COL27A1: variants seen among roughly 807,000 people sequenced by gnomAD.
COL27A1 encodes collagen type XXVII alpha 1 chain, also known as collagen alpha-1(XXVII) chain.
COL27A1 carries 106 observed loss-of-function variants against 251.3 expected under a neutral mutation model. The observed-to-expected ratio is 0.42, with a 90% CI of 0.36 to 0.50. The LOEUF (loss-of-function observed/expected upper bound fraction) is 0.50. Among genes scored for constraint, COL27A1 ranks in the 20% least tolerant of loss-of-function variants. The probability of loss-of-function intolerance (pLI) is 0.00; values close to 1 mark genes in which losing one functional copy is unlikely to be tolerated. For missense variants in COL27A1, 2,325 were observed against 2,522.8 expected (o/e 0.92, Z 1.68); for synonymous variants, 1,000 against 986.3 (o/e 1.01, Z -0.26).
At chr9:114,154,826 A>AGCAAGAG (rs1848032126), upstream of COL27A1, among the ~76,000 whole-genome samples, 1 of 152,010 alleles carries the variant, frequency 6.6e-6, no homozygotes, top group Non-Finnish European at 1.5e-5. The surrounding 1 kb of genome is among the most constrained non-coding windows in gnomAD (Gnocchi z 5.8). Flanking sequence ...CTCGTGAACG[A>AGCAAGAG]GTGGCAAGAG....
chr9:114,224,535 T>C (rs888691080), intron 14 of COL27A1, among the ~76,000 whole-genome samples: 3 of 152,146 alleles, frequency 2.0e-5, no homozygotes, highest in African/African-American at 4.8e-5. Context: ...TGTTCCTATT[T>C]GTCATCATCC....
chr9:114,269,473 G>T (rs1245968040), intron 35 of COL27A1, among the ~76,000 whole-genome samples, 179 bp downstream of exon 35: 1 of 151,858 alleles, frequency 6.6e-6, no homozygotes. Flanking sequence ...ACAGTGTAGA[G>T]AAAGGCATTT....
intron 5 of COL27A1, among the ~76,000 whole-genome samples, chr9:114,190,996 T>C (rs1828712209): frequency 6.6e-6 from 1 of 152,210 alleles, no homozygotes; most frequent in Non-Finnish European, 1.5e-5. Flanking sequence ...ATCCCAGAAG[T>C]CATACCTTCA....
chr9:114,207,027 G>GT (rs1564468349), intron 10 of COL27A1, among the ~76,000 whole-genome samples: 1 of 152,206 alleles, frequency 6.6e-6, no homozygotes, highest in Non-Finnish European at 1.5e-5. Context: ...AAGAAACTGG[G>GT]TTCATGGCGG....
At chr9:114,299,501 G>A (rs910833922) in intron 49 of COL27A1, among the ~76,000 whole-genome samples, 7 of 152,198 alleles carry the variant, frequency 4.6e-5, no homozygotes, top group African/African-American at 7.2e-5. Context: ...TCCTGGAATC[G>A]TTCACACTGG....
intron 13 of COL27A1, among the ~76,000 whole-genome samples, chr9:114,221,603 A>C (rs1217517336): frequency 6.6e-6 from 1 of 152,230 alleles, no homozygotes; most frequent in African/African-American, 2.4e-5. Context: ...TGGAAGATCC[A>C]TGTTTAAGAC....
chr9:114,193,157 G>A (rs1828863450), intron 5 of COL27A1, among the ~76,000 whole-genome samples: 1 of 152,206 alleles, frequency 6.6e-6, no homozygotes, highest in South Asian at 2.1e-4. Flanking sequence ...CTGAGGCAGG[G>A]AGGGGAGAGG....
chr9:114,225,277 A>G (rs1418759673), intron 14 of COL27A1, among the ~76,000 whole-genome samples: 1 of 152,200 alleles, frequency 6.6e-6, no homozygotes, highest in Non-Finnish European at 1.5e-5. Flanking sequence ...TTTGCTTCTG[A>G]GCAGCCTGCA....
At chr9:114,183,985 A>G (rs1443000636) in intron 5 of COL27A1, among the ~76,000 whole-genome samples, 1 of 152,192 alleles carries the variant, frequency 6.6e-6, no homozygotes, top group African/African-American at 2.4e-5. Flanking sequence ...CAGAGCACCA[A>G]GAGGATTGCC....
At chr9:114,183,489 C>A (rs1206356655) in intron 5 of COL27A1, among the ~76,000 whole-genome samples, 1 of 152,056 alleles carries the variant, frequency 6.6e-6, no homozygotes, top group African/African-American at 2.4e-5. Context: ...GGGTGGGGAA[C>A]CAGAGCCAAG....
intron 27 of COL27A1, among the ~76,000 whole-genome samples, chr9:114,254,386 G>A (rs1350848972): frequency 6.6e-6 from 1 of 151,688 alleles, no homozygotes; most frequent in Non-Finnish European, 1.5e-5. Context: ...GGGTGGGGGT[G>A]GGCTTGCTCT....
At chr9:114,300,388 G>A (rs1828532329) in intron 50 of COL27A1, 5 of 586,304 alleles carry the variant, frequency 8.5e-6, no homozygotes, top group South Asian at 6.5e-5. Flanking sequence ...AGCAATGACA[G>A]TAGAAGACTG....
intron 39 of COL27A1, among the ~76,000 whole-genome samples, chr9:114,283,030 C>G (rs1275434103): frequency 6.6e-6 from 1 of 152,210 alleles, no homozygotes; most frequent in Non-Finnish European, 1.5e-5. Context: ...GCCCAGAGGG[C>G]TTTGATACCT....
At chr9:114,283,566 C>T (rs916501489) in intron 39 of COL27A1, 143 bp from the exon 40 acceptor site, 8 of 685,666 alleles carry the variant, frequency 1.2e-5, no homozygotes, top group East Asian at 2.7e-5. Flanking sequence ...ACTGGCTTTC[C>T]GCCTTGTTCA....
At chr9:114,226,723 C>T (rs767315689) in intron 14 of COL27A1, among the ~76,000 whole-genome samples, 117 of 152,328 alleles carry the variant, frequency 7.7e-4, no homozygotes, top group Middle Eastern at 3.4e-3. Context: ...TATAAGTGAG[C>T]GTGTTTAGCT....
At chr9:114,266,475 G>C in intron 32 of COL27A1, 90 bp from the exon 33 acceptor site, 1 of 1,099,736 alleles carries the variant, frequency 9.1e-7, no homozygotes, top group Non-Finnish European at 1.4e-6. Flanking sequence ...CCCCAGTTCT[G>C]GGGGTCAGCT....
Position 114,304,706 on chromosome 9 carries a change from C to T in COL27A1, c.4938+33C>T, listed in dbSNP as rs142126536. Reference sequence around the variant, plus strand: ...CAGGGGCTCTCCCCATGTGGGATCCCTTCCTGGGAGAAACGCAAATAGATA... The same window carrying T: ...CAGGGGCTCTCCCCATGTGGGATCCTTTCCTGGGAGAAACGCAAATAGATA... On this transcript the variant is annotated intron_variant, in intron 57 of 60. Transcript: ENST00000356083. 186 of 1,597,544 alleles carry T rather than the reference C, an allele frequency of 1.2e-4. 1 individual carries two copies. The East Asian group carries it at 3.5e-3, about 30-fold the overall frequency.
chr9:114,211,055 A>T, intron 12 of COL27A1, 29 bp downstream of exon 12: 1 of 1,612,834 alleles, frequency 6.2e-7, no homozygotes, highest in Non-Finnish European at 8.5e-7. Flanking sequence ...TATTACGCAG[A>T]CTCTAGCGGG....
At chr9:114,225,605 G>T (rs1298672497) in intron 14 of COL27A1, among the ~76,000 whole-genome samples, 3 of 152,246 alleles carry the variant, frequency 2.0e-5, no homozygotes, top group Non-Finnish European at 2.9e-5. Flanking sequence ...GAAAGGAAAG[G>T]AATTTTCTAA....
Sources: gnomAD v4.1 joint callset for allele counts (sites outside exome capture counted in the v4.1 genomes callset) on GRCh38, gnomAD v4.1.1 for gene constraint, Gnocchi (gnomAD v3.1) non-coding constraint, MANE v1.5 for transcripts, NCBI Gene and HGNC (gene_info 2026-07-23, HGNC 2026-07-21) for gene names.